Variants in ST6GALNAC3 observed in about 807,000 individuals in gnomAD.
ST6GALNAC3 encodes the protein alpha-N-acetylgalactosaminide alpha-2,6-sialyltransferase 3.
ST6GALNAC3 carries 25 observed loss-of-function variants against 32.7 expected under a neutral mutation model. The ratio of observed to expected loss-of-function variants is 0.76; its 90% CI spans 0.56 to 1.07. The LOEUF is 1.07. Ranked by LOEUF, ST6GALNAC3 falls within the 50% of genes least tolerant of loss-of-function variation. The pLI, the probability that ST6GALNAC3 is intolerant of heterozygous loss-of-function variation, is 0.00. For synonymous variants in ST6GALNAC3, 129 were observed against 133.1 expected, an observed-to-expected ratio of 0.97 and a Z score of 0.21; for missense variants, 355 against 382.4, an observed-to-expected ratio of 0.93 and a Z score of 0.60.
At chr1:76,260,993 C>G (rs949807418) in intron 1 of ST6GALNAC3, among the ~76,000 whole-genome samples, 9 of 151,842 alleles carry the variant, frequency 5.9e-5, no homozygotes, top group Non-Finnish European at 1.3e-4. Flanking sequence ...CACACACACA[C>G]ACACACACAC....
At chr1:76,202,268 ATGTGTGTGTGTG>A (rs58107501) in intron 1 of ST6GALNAC3, among the ~76,000 whole-genome samples, 2,596 of 145,428 alleles carry the variant, frequency 0.018, 82 homozygotes, top group African/African-American at 0.063. Flanking sequence ...GTGTGCATGC[ATGTGTGTGTGTG>A]TGTGTGTGTG....
intron 3 of ST6GALNAC3, among the ~76,000 whole-genome samples, chr1:76,567,180 A>G (rs1049714189): frequency 2.0e-5 from 3 of 152,200 alleles, no homozygotes; most frequent in African/African-American, 4.8e-5. Flanking sequence ...ATCAAATTCA[A>G]TATGATTTTA....
intron 1 of ST6GALNAC3, among the ~76,000 whole-genome samples, chr1:76,295,299 C>T (rs921270134): frequency 6.6e-6 from 1 of 151,988 alleles, no homozygotes; most frequent in Non-Finnish European, 1.5e-5. Context: ...TAGCATGGCC[C>T]TTTGTAGTTG....
intron 1 of ST6GALNAC3, among the ~76,000 whole-genome samples, chr1:76,266,381 G>A (rs1281044694): frequency 6.6e-6 from 1 of 152,156 alleles, no homozygotes; most frequent in African/African-American, 2.4e-5. Flanking sequence ...CCTTGCCCTA[G>A]AAAGGTGTTG....
At chr1:76,462,881 T>C (rs572862376) in intron 3 of ST6GALNAC3, among the ~76,000 whole-genome samples, 34 of 152,272 alleles carry the variant, frequency 2.2e-4, no homozygotes, top group African/African-American at 8.2e-4. Context: ...AATTGTACAT[T>C]GTGACCAATT....
chr1:76,310,734 A>G (rs1400645957), intron 1 of ST6GALNAC3, among the ~76,000 whole-genome samples: 1 of 152,186 alleles, frequency 6.6e-6, no homozygotes, highest in African/African-American at 2.4e-5. Flanking sequence ...TTTCACAGAA[A>G]GTTATGTGGC....
At chr1:76,354,187 GC>G (rs34502453) in intron 2 of ST6GALNAC3, 6 of 152,398 alleles carry the variant, frequency 3.9e-5, no homozygotes, top group Non-Finnish European at 8.8e-5. Flanking sequence ...TATCATAGCA[GC>G]CCCAGTGAGG....
At chr1:76,183,982 G>A (rs1269670614) in intron 1 of ST6GALNAC3, among the ~76,000 whole-genome samples, 5 of 150,708 alleles carry the variant, frequency 3.3e-5, no homozygotes, top group Admixed American at 1.3e-4. Flanking sequence ...GTGAAGTTAC[G>A]CCTACTGATA....
At chr1:76,552,693 T>A (rs191926504) in intron 3 of ST6GALNAC3, among the ~76,000 whole-genome samples, 2 of 152,364 alleles carry the variant, frequency 1.3e-5, no homozygotes, top group African/African-American at 4.8e-5. Flanking sequence ...AATATAGCTT[T>A]GTTTCTGTCT....
intron 3 of ST6GALNAC3, among the ~76,000 whole-genome samples, chr1:76,536,470 C>T (rs1331506301): frequency 1.3e-5 from 2 of 151,788 alleles, no homozygotes; most frequent in Non-Finnish European, 2.9e-5. Flanking sequence ...CATATAAAAC[C>T]ATCAGATCTC....
rs889850703 is a variant in ST6GALNAC3 at position 76,545,801 on chromosome 1, C to T, written c.624-81651C>T. The stretch of plus-strand genomic sequence containing the variant: ...CCTCCCGAGTAGCTGGGATTACAGG[C>T]ATGCCCCCCCACATCCAGCTAATTT... On this transcript the variant is annotated intron_variant, in intron 3 of 4. Transcript: ENST00000328299. Among the ~76,000 whole-genome samples the T allele has an allele frequency of 5.3e-5, 8 of 151,856 alleles. No individual in the cohort carries two copies. In the East Asian group the frequency reaches 1.6e-3, roughly 30 times the overall value.
At chr1:76,422,768 T>G (rs529325381) in intron 3 of ST6GALNAC3, among the ~76,000 whole-genome samples, 1 of 152,158 alleles carries the variant, frequency 6.6e-6, no homozygotes, top group South Asian at 2.1e-4. Flanking sequence ...ATTCAATTAT[T>G]TTGAACATTT....
At chr1:76,285,034 G>T (rs1659700058) in intron 1 of ST6GALNAC3, among the ~76,000 whole-genome samples, 1 of 152,146 alleles carries the variant, frequency 6.6e-6, no homozygotes, top group Admixed American at 6.5e-5. Flanking sequence ...AGGAAATGAG[G>T]CAAGGAAAGG....
At chr1:76,161,392 G>A (rs1651797127) in intron 1 of ST6GALNAC3, among the ~76,000 whole-genome samples, 1 of 152,184 alleles carries the variant, frequency 6.6e-6, no homozygotes, top group African/African-American at 2.4e-5. Context: ...CTGGTAAGCG[G>A]CAGAGAGCGG....
chr1:76,197,036 C>T (rs1487314540), intron 1 of ST6GALNAC3, among the ~76,000 whole-genome samples: 1 of 152,088 alleles, frequency 6.6e-6, no homozygotes, highest in Non-Finnish European at 1.5e-5. Flanking sequence ...TGCCTAATTG[C>T]TATTAAAGCC....
chr1:76,580,398 C>T (rs891265135), intron 3 of ST6GALNAC3, among the ~76,000 whole-genome samples: 8 of 152,098 alleles, frequency 5.3e-5, no homozygotes, highest in Admixed American at 6.6e-5. Context: ...TTGCTCTTTC[C>T]GGATGTTCTG....
chr1:76,346,192 C>T (rs948021464), intron 2 of ST6GALNAC3, among the ~76,000 whole-genome samples: 2 of 152,130 alleles, frequency 1.3e-5, no homozygotes, highest in African/African-American at 4.8e-5. Flanking sequence ...CATACATCGT[C>T]GGCACTTACG....
At chr1:76,592,196 A>T (rs315042) in intron 3 of ST6GALNAC3, among the ~76,000 whole-genome samples, 1 of 152,210 alleles carries the variant, frequency 6.6e-6, no homozygotes, top group African/African-American at 2.4e-5. Context: ...GTGGGAGAAA[A>T]GACTTAAGCC....
rs55892265 is a variant in ST6GALNAC3, at chr1:76,494,550, A to AACACACACAC, written c.623+82158_623+82167dup. 1.9e-4 allele frequency among the ~76,000 whole-genome samples: 12 copies of AACACACACAC among 63,840 alleles called. 1 individual carries two copies. The highest frequency in any genetic ancestry group is 5.1e-4 in the African/African-American group (9 of 17,762). The allele number at this position is 63,840 out of a possible 152,430, so 41.9% of individuals were successfully genotyped here. On this transcript the variant is annotated intron_variant, in intron 3 of 4. Coordinates refer to ENST00000328299, the MANE Select transcript of ST6GALNAC3 (RefSeq NM_152996.4). The stretch of plus-strand genomic sequence containing the variant: ...CATGAAAATATATTTCATGTGTATA[A>AACACACACAC]ACACACACACACACACACACACACA...
Sources: gnomAD v4.1 joint callset for allele counts (sites outside exome capture counted in the v4.1 genomes callset) on GRCh38, gnomAD v4.1.1 for gene constraint, MANE v1.5 for transcripts, NCBI Gene and HGNC (gene_info 2026-07-23, HGNC 2026-07-21) for gene names.